ADAMTS17: variants seen among roughly 807,000 people sequenced by gnomAD.
The protein encoded by ADAMTS17 is ADAM metallopeptidase with thrombospondin type 1 motif 17.
In ADAMTS17, 113 loss-of-function variants were observed where a neutral mutation model predicts 141.5. That is an observed-to-expected ratio of 0.80 (90% confidence interval 0.69 to 0.93). The LOEUF (loss-of-function observed/expected upper bound fraction) is 0.93, where lower values mean the gene tolerates loss of function less well. ADAMTS17 is among the 40% of genes least tolerant of loss of function. ADAMTS17 has a pLI of 0.00. For missense variants in ADAMTS17, 1,659 were observed against 1,517.9 expected, an observed-to-expected ratio of 1.09 and a Z score of -1.54; for synonymous variants, 768 against 630.6, an observed-to-expected ratio of 1.22 and a Z score of -3.27.
intron 7 of ADAMTS17, among the ~76,000 whole-genome samples, chr15:100,202,609 G>A (rs868478427): frequency 1.8e-4 from 28 of 152,256 alleles, no homozygotes; most frequent in Middle Eastern, 6.8e-3. Flanking sequence ...ATCCAGCTTC[G>A]CAGAAAACAA....
intron 18 of ADAMTS17, 97 bp downstream of exon 18, chr15:100,048,760 G>C: frequency 8.4e-6 from 13 of 1,544,640 alleles, no homozygotes; most frequent in Non-Finnish European, 9.8e-6. Context: ...ACAGCATAGA[G>C]CAGTACTGTG....
At chr15:100,192,696 G>A (rs2040963747) in intron 8 of ADAMTS17, among the ~76,000 whole-genome samples, 1 of 152,200 alleles carries the variant, frequency 6.6e-6, no homozygotes, top group South Asian at 2.1e-4. Flanking sequence ...ACAGCACTGT[G>A]CCGGCTGGCT....
intron 19 of ADAMTS17, among the ~76,000 whole-genome samples, chr15:99,995,802 C>T (rs2141340469): frequency 6.6e-6 from 1 of 152,292 alleles, no homozygotes; most frequent in East Asian, 1.9e-4. Context: ...GATTTGATTC[C>T]AGGTTAAATG....
chr15:100,054,132 A>G, intron 15 of ADAMTS17, 78 bp from the exon 16 acceptor site: 1 of 1,560,900 alleles, frequency 6.4e-7, no homozygotes, highest in Non-Finnish European at 8.8e-7. Flanking sequence ...CGGAATCTAC[A>G]GCCCCTGAGT....
chr15:100,216,744 G>A (rs1480096619), intron 7 of ADAMTS17, among the ~76,000 whole-genome samples: 2 of 152,166 alleles, frequency 1.3e-5, no homozygotes, highest in Non-Finnish European at 1.5e-5. Flanking sequence ...AGGTCCTGAC[G>A]TTCCAGGCCC....
intron 18 of ADAMTS17, among the ~76,000 whole-genome samples, chr15:100,044,545 A>G (rs1158344472): frequency 6.6e-6 from 1 of 152,214 alleles, no homozygotes; most frequent in Non-Finnish European, 1.5e-5. Context: ...AAGATCTCCT[A>G]TATGTTCCAT....
At chr15:100,063,806 C>T (rs1291000127) in intron 15 of ADAMTS17, 2 of 1,254,648 alleles carry the variant, frequency 1.6e-6, no homozygotes, top group Admixed American at 2.3e-5. Flanking sequence ...CCACCCTGCA[C>T]CAGAGGCCGT....
chr15:100,045,119 T>A (rs1012298562), intron 18 of ADAMTS17, among the ~76,000 whole-genome samples: 2 of 151,498 alleles, frequency 1.3e-5, no homozygotes, highest in Non-Finnish European at 2.9e-5. Context: ...TTAATTTGGA[T>A]TTTTTTAGAA....
Position 100,155,319 on chromosome 15 carries a change from A to G in ADAMTS17, c.1183T>C (p.Leu395=). 1 of 1,613,546 alleles carries G rather than the reference A, an allele frequency of 6.2e-7. No individual in the cohort carries two copies. The highest frequency in any genetic ancestry group is 8.5e-7 in the Non-Finnish European group (1 of 1,179,692). The change falls in exon 9 of 22, where the codon TTG becomes CTG. Residue 395 remains leucine (L), a splice_region_variant and synonymous_variant. Transcript: ENST00000268070. The stretch of plus-strand genomic sequence containing the variant: ...TGGTCATCGTCGTGGTTCATGCCCA[A>G]GCTGTCCAAGAAGGAGGAGAGAGGG... ...FTIAHELGHN[L]GMNHDDDHSS... is the part of the protein sequence containing the mutation.
At chr15:100,279,716 G>A (rs1001448477) in intron 4 of ADAMTS17, among the ~76,000 whole-genome samples, 8 of 152,090 alleles carry the variant, frequency 5.3e-5, no homozygotes, top group South Asian at 2.1e-4. Context: ...CGGAACCTTC[G>A]CACCCCTTTC....
intron 14 of ADAMTS17, among the ~76,000 whole-genome samples, chr15:100,102,177 T>G (rs1040969951): frequency 6.6e-6 from 1 of 152,210 alleles, no homozygotes; most frequent in Admixed American, 6.5e-5. Context: ...TTTTTTCTGT[T>G]TGTTTTTCTT....
chr15:100,316,395 C>A (rs933625713), intron 3 of ADAMTS17, among the ~76,000 whole-genome samples: 5 of 152,262 alleles, frequency 3.3e-5, no homozygotes, highest in Admixed American at 2.6e-4. Flanking sequence ...GATCACACTT[C>A]CATTCTCGCC....
At chr15:100,198,671 C>G (rs1286539026) in intron 8 of ADAMTS17, among the ~76,000 whole-genome samples, 1 of 152,192 alleles carries the variant, frequency 6.6e-6, no homozygotes, top group Non-Finnish European at 1.5e-5. Flanking sequence ...TGAGCGTCGT[C>G]TGGCTTTCTG....
chr15:100,187,595 T>C (rs748365671), intron 8 of ADAMTS17, among the ~76,000 whole-genome samples: 5 of 152,228 alleles, frequency 3.3e-5, no homozygotes, highest in Non-Finnish European at 5.9e-5. Context: ...CATTTGAACG[T>C]TGCTCTGGTC....
chr15:100,104,131 A>G (rs1298752792), intron 14 of ADAMTS17, among the ~76,000 whole-genome samples: 1 of 152,218 alleles, frequency 6.6e-6, no homozygotes, highest in Non-Finnish European at 1.5e-5. Context: ...GGGTCTGTCC[A>G]TCATCCAATG....
chr15:100,029,733 T>A (rs1471556364), intron 18 of ADAMTS17, among the ~76,000 whole-genome samples: 2 of 152,240 alleles, frequency 1.3e-5, no homozygotes, highest in Non-Finnish European at 2.9e-5. Context: ...GATTTTTGCA[T>A]CTGCTGTTAG....
chr15:100,216,212 T>C (rs1476196516), intron 7 of ADAMTS17, among the ~76,000 whole-genome samples: 4 of 152,236 alleles, frequency 2.6e-5, no homozygotes, highest in Non-Finnish European at 5.9e-5. Context: ...GAAGAAGCAA[T>C]GTTCAGAGTA....
chr15:100,144,667 G>C (rs937697867), intron 10 of ADAMTS17, among the ~76,000 whole-genome samples: 1 of 152,090 alleles, frequency 6.6e-6, no homozygotes, highest in African/African-American at 2.4e-5. Flanking sequence ...ACTAGAACTT[G>C]AAGAAAATGA....
At chr15:100,118,761 T>C (rs2037295995) in intron 12 of ADAMTS17, among the ~76,000 whole-genome samples, 1 of 152,014 alleles carries the variant, frequency 6.6e-6, no homozygotes, top group Non-Finnish European at 1.5e-5. Context: ...CATGGATCAG[T>C]AGGAGAAACA....
Sources: gnomAD v4.1 joint callset for allele counts (sites outside exome capture counted in the v4.1 genomes callset) on GRCh38, gnomAD v4.1.1 for gene constraint, MANE v1.5 for transcripts, NCBI Gene and HGNC (gene_info 2026-07-23, HGNC 2026-07-21) for gene names.